Variants in JPH1 observed in about 807,000 individuals in gnomAD.
JPH1 encodes the protein junctophilin-1.
In JPH1, 12 loss-of-function variants were observed where a neutral mutation model predicts 53.6. That is an observed-to-expected ratio of 0.22 (90% CI 0.14 to 0.36). The LOEUF is 0.36. Among genes scored for constraint, JPH1 ranks in the 10% least tolerant of loss-of-function variants. The pLI is 1.00. For synonymous variants in JPH1, 375 were observed against 363.8 expected, an observed-to-expected ratio of 1.03 and a Z score of -0.35; for missense variants, 808 against 905.5, an observed-to-expected ratio of 0.89 and a Z score of 1.38.
intron 2 of JPH1, among the ~76,000 whole-genome samples, chr8:74,265,969 A>G (rs1244112609): frequency 6.6e-6 from 1 of 152,018 alleles, no homozygotes; most frequent in African/African-American, 2.4e-5. Flanking sequence ...ACAGAGAATA[A>G]CAAGCGTTAG....
chr8:74,262,640 A>G (rs1806424955), intron 2 of JPH1, among the ~76,000 whole-genome samples: 1 of 152,256 alleles, frequency 6.6e-6, no homozygotes, highest in African/African-American at 2.4e-5. Context: ...AAGTAACTGA[A>G]AAGCGACTTC....
intron 2 of JPH1, among the ~76,000 whole-genome samples, chr8:74,305,001 C>T (rs1807792125): frequency 6.6e-6 from 1 of 152,194 alleles, no homozygotes; most frequent in African/African-American, 2.4e-5. Context: ...TGTGAAACAG[C>T]AACTAAAACA....
At chr8:74,291,069 G>A (rs1309995324) in intron 2 of JPH1, among the ~76,000 whole-genome samples, 2 of 152,112 alleles carry the variant, frequency 1.3e-5, no homozygotes, top group Non-Finnish European at 2.9e-5. Context: ...ACATAGGCAT[G>A]GGCAAGGACT....
chr8:74,310,324 T>C (rs983198229), intron 2 of JPH1, among the ~76,000 whole-genome samples: 1 of 149,858 alleles, frequency 6.7e-6, no homozygotes, highest in African/African-American at 2.4e-5. Context: ...CCTTTCTCAA[T>C]CCCAGATGGT....
chr8:74,291,967 A>G (rs1029017646), intron 2 of JPH1, among the ~76,000 whole-genome samples: 5 of 152,186 alleles, frequency 3.3e-5, no homozygotes, highest in African/African-American at 1.2e-4. Flanking sequence ...ATAGGTGGGA[A>G]TTGAACAATG....
At chr8:74,284,478 G>T (rs1012990275) in intron 2 of JPH1, among the ~76,000 whole-genome samples, 3 of 152,054 alleles carry the variant, frequency 2.0e-5, no homozygotes, top group Non-Finnish European at 4.4e-5. Flanking sequence ...TGAAACACCG[G>T]TGCACGGTGA....
chr8:74,246,331 T>A (rs777435035), intron 3 of JPH1, among the ~76,000 whole-genome samples: 1 of 152,158 alleles, frequency 6.6e-6, no homozygotes, highest in Non-Finnish European at 1.5e-5. Flanking sequence ...TCCTGCCTTC[T>A]ACCCCCAACC....
At chr8:74,237,679 C>T (rs1807040895) in intron 4 of JPH1, among the ~76,000 whole-genome samples, 3 of 152,212 alleles carry the variant, frequency 2.0e-5, no homozygotes, top group Admixed American at 2.0e-4. Context: ...TGAGGAAGAG[C>T]TGCTTCCTCC....
intron 5 of JPH1, 33 bp from the exon 6 acceptor site, chr8:74,237,068 A>T (rs541822525): frequency 1.4e-5 from 9 of 622,826 alleles, no homozygotes. Context: ...GCAATTAAGT[A>T]ACTATGTTGA....
At chr8:74,256,203 T>C (rs1428880184) in intron 3 of JPH1, among the ~76,000 whole-genome samples, 1 of 152,168 alleles carries the variant, frequency 6.6e-6, no homozygotes, top group Non-Finnish European at 1.5e-5. Flanking sequence ...CGTGGAATAC[T>C]ATGCAGCCAT....
intron 2 of JPH1, among the ~76,000 whole-genome samples, chr8:74,284,450 T>C (rs550599397): frequency 5.3e-5 from 8 of 152,232 alleles, no homozygotes; most frequent in African/African-American, 1.9e-4. Context: ...ATTGCCTTAT[T>C]TAGTCAGACT....
At chr8:74,242,266 T>TG (rs1805718254) in intron 4 of JPH1, among the ~76,000 whole-genome samples, 1 of 152,200 alleles carries the variant, frequency 6.6e-6, no homozygotes, top group Admixed American at 6.5e-5. Flanking sequence ...TAGCATTGTG[T>TG]TGAAACAAAC....
chr8:74,256,741 AT>A (rs1464897462), intron 3 of JPH1, among the ~76,000 whole-genome samples: 2 of 152,238 alleles, frequency 1.3e-5, no homozygotes, highest in Admixed American at 6.5e-5. Context: ...AATGGCGATC[AT>A]TAAAAAGTCA....
At position 74,315,641 on chromosome 8, in the gene JPH1, G is replaced by A. The variant is rs750974177; in HGVS notation, c.380-21C>T. 1.9e-6 allele frequency: 3 copies of A among 1,573,400 alleles called. No individual in the cohort carries two copies. Among genetic ancestry groups the A allele is most frequent in the Non-Finnish European group, 2.6e-6 (3 of 1,164,970 alleles). ...GGTACCTTGGAGAGACCGCAAGAAA[G>A]CACCGTGAGTCGGGGGCAGAGCTGC... On this transcript the variant is annotated intron_variant, in intron 1 of 5. Coordinates refer to ENST00000342232, the MANE Select transcript of JPH1 (RefSeq NM_020647.4). The surrounding 1 kb of genome is among the most constrained non-coding windows in gnomAD (Gnocchi z 6.3).
chr8:74,286,179 G>A (rs2131425616), intron 2 of JPH1, among the ~76,000 whole-genome samples: 1 of 152,204 alleles, frequency 6.6e-6, no homozygotes, highest in Admixed American at 6.5e-5. Context: ...CATTTCTCTT[G>A]ACTGTCACCT....
intron 2 of JPH1, among the ~76,000 whole-genome samples, chr8:74,299,603 C>T (rs938139040): frequency 6.6e-6 from 1 of 152,202 alleles, no homozygotes; most frequent in Non-Finnish European, 1.5e-5. Context: ...CACTCTGGCT[C>T]GGGTGGCTGC....
At chr8:74,269,817 A>G (rs935707910) in intron 2 of JPH1, among the ~76,000 whole-genome samples, 18 of 152,254 alleles carry the variant, frequency 1.2e-4, no homozygotes, top group African/African-American at 4.1e-4. Context: ...CAGGTCTCCT[A>G]ACCTTTAGGA....
intron 3 of JPH1, among the ~76,000 whole-genome samples, chr8:74,257,320 G>A (rs1003966339): frequency 2.6e-5 from 4 of 152,134 alleles, no homozygotes; most frequent in African/African-American, 9.7e-5. Flanking sequence ...CCCTTCAAAT[G>A]CTTTTACACC....
rs1394119483 is a variant in JPH1 at position 74,276,986 on chromosome 8, C to T, written c.1140-17483G>A. Among the ~76,000 whole-genome samples the T allele has an allele frequency of 3.9e-5, 6 of 152,300 alleles. No homozygotes were observed. The East Asian group carries it at 1.2e-3, about 29-fold the overall frequency. ...ATACCATGTAACAAGTGATTGTTAG[C>T]TACACTAGTTTTTCACATTATTTTA... is the stretch of plus-strand genomic sequence containing the variant. On this transcript the variant is annotated intron_variant, in intron 2 of 5. Coordinates refer to ENST00000342232, the MANE Select transcript of JPH1 (RefSeq NM_020647.4).
Sources: gnomAD v4.1 joint callset for allele counts (sites outside exome capture counted in the v4.1 genomes callset) on GRCh38, gnomAD v4.1.1 for gene constraint, Gnocchi (gnomAD v3.1) non-coding constraint, MANE v1.5 for transcripts, NCBI Gene and HGNC (gene_info 2026-07-23, HGNC 2026-07-21) for gene names.